Variants in PLA2G5 observed in about 807,000 individuals in gnomAD.
The protein encoded by PLA2G5 is Ca2+-dependent phospholipase A2.
A neutral mutation model predicts 15.9 loss-of-function variants in PLA2G5; 12 were observed. That is an observed-to-expected ratio of 0.76 (90% CI 0.48 to 1.23). The LOEUF (loss-of-function observed/expected upper bound fraction) is 1.23. Among genes scored for constraint, PLA2G5 ranks in the 50% most tolerant of loss-of-function variants. PLA2G5 has a pLI of 0.00. For missense variants in PLA2G5, 169 were observed against 177.1 expected (o/e 0.95, Z 0.26); for synonymous variants, 71 against 71.4 (o/e 0.99, Z 0.03).
chr1:20,084,985 G>C, intron 2 of PLA2G5, 115 bp downstream of exon 2: 1 of 784,812 alleles, frequency 1.3e-6, no homozygotes, highest in Non-Finnish European at 2.3e-6. Flanking sequence ...TCTCGGCTCT[G>C]CACTGACTGC....
chr1:20,071,017 T>A (rs11573198), intron 1 of PLA2G5: 38 of 152,184 alleles, frequency 2.5e-4, no homozygotes, highest in Non-Finnish European at 4.4e-4. Context: ...CTCGCTTCCC[T>A]CTCTGAAGAC....
chr1:20,029,202 G>C (rs1034510866), intron 1 of PLA2G5, among the ~76,000 whole-genome samples: 1 of 152,076 alleles, frequency 6.6e-6, no homozygotes, highest in African/African-American at 2.4e-5. Flanking sequence ...TTTTCCCCTG[G>C]TTCAGGCCGC....
In PLA2G5 at chr1:20,089,901, GC is replaced by G. The variant is rs2016484088; in HGVS notation, c.292+7del. On this transcript the variant is annotated splice_region_variant and intron_variant, in intron 4 of 4. Transcript: ENST00000375108. Reference sequence around the variant, plus strand: ...GTGGGGCGTGGTCACCTGCGGTAAGGCTGGGGCTTCCCGTTCGGGCCATTGG... The same window carrying G: ...GTGGGGCGTGGTCACCTGCGGTAAGGTGGGGCTTCCCGTTCGGGCCATTGG... The G allele has an allele frequency of 6.2e-7, 1 of 1,603,566 alleles. No homozygotes were observed. Among genetic ancestry groups the G allele is most frequent in the African/African-American group, 1.3e-5 (1 of 74,704 alleles).
At chr1:20,033,579 C>G (rs529071531) in intron 1 of PLA2G5, among the ~76,000 whole-genome samples, 6 of 152,090 alleles carry the variant, frequency 3.9e-5, no homozygotes, top group Non-Finnish European at 8.8e-5. Context: ...GTGGCCACAC[C>G]CAATATTTTT....
At chr1:20,055,424 G>C (rs1402401821) in intron 1 of PLA2G5, among the ~76,000 whole-genome samples, 1 of 152,182 alleles carries the variant, frequency 6.6e-6, no homozygotes, top group Non-Finnish European at 1.5e-5. Context: ...TGGGTTTCTG[G>C]AGTGGTTTCA....
chr1:20,048,255 G>A (rs573315865), intron 1 of PLA2G5, among the ~76,000 whole-genome samples: 1 of 152,046 alleles, frequency 6.6e-6, no homozygotes, highest in African/African-American at 2.4e-5. Flanking sequence ...AAATAAGATA[G>A]CCTTAAAATT....
chr1:20,057,267 G>C (rs2014480562), intron 1 of PLA2G5, among the ~76,000 whole-genome samples: 3 of 148,200 alleles, frequency 2.0e-5, no homozygotes, highest in Non-Finnish European at 4.5e-5. Context: ...GACTTAATTT[G>C]CTCTCCTTTT....
intron 1 of PLA2G5, among the ~76,000 whole-genome samples, chr1:20,036,816 C>T (rs901762912): frequency 6.6e-6 from 1 of 152,128 alleles, no homozygotes. Context: ...CAGGCCTGTG[C>T]CACCACACCT....
intron 1 of PLA2G5, among the ~76,000 whole-genome samples, chr1:20,072,211 C>T (rs1236842726): frequency 6.6e-6 from 1 of 152,178 alleles, no homozygotes; most frequent in Non-Finnish European, 1.5e-5. Flanking sequence ...TTATTTTTCT[C>T]CATTTCATCG....
chr1:20,076,707 G>C (rs753254343), intron 1 of PLA2G5: 1 of 152,210 alleles, frequency 6.6e-6, no homozygotes, highest in Non-Finnish European at 1.5e-5. Context: ...ATTAAAGACC[G>C]AGTTCTTCCC....
intron 1 of PLA2G5, among the ~76,000 whole-genome samples, chr1:20,052,173 C>CAAA (rs34853506): frequency 2.2e-4 from 23 of 102,382 alleles, no homozygotes; most frequent in Non-Finnish European, 3.2e-4. Flanking sequence ...GACTCCATCT[C>CAAA]AAAAAAAAAA....
At chr1:20,080,837 A>T (rs1359837942) in intron 1 of PLA2G5, among the ~76,000 whole-genome samples, 1 of 151,758 alleles carries the variant, frequency 6.6e-6, no homozygotes, top group Non-Finnish European at 1.5e-5. Flanking sequence ...GCTTTGCCTG[A>T]GGGAGGTGCA....
At chr1:20,046,454 A>G (rs1282513037) in intron 1 of PLA2G5, among the ~76,000 whole-genome samples, 1 of 152,202 alleles carries the variant, frequency 6.6e-6, no homozygotes, top group Admixed American at 6.5e-5. Context: ...CCTATCTTAA[A>G]AAAAGTTCTT....
intron 1 of PLA2G5, among the ~76,000 whole-genome samples, chr1:20,036,543 CA>C (rs1468201899): frequency 6.6e-6 from 1 of 152,056 alleles, no homozygotes; most frequent in Non-Finnish European, 1.5e-5. Flanking sequence ...TTGAAACTTT[CA>C]AGTGTATTTT....
intron 4 of PLA2G5, among the ~76,000 whole-genome samples, chr1:20,090,198 A>G (rs1480463310): frequency 6.6e-6 from 1 of 152,238 alleles, no homozygotes. Flanking sequence ...CTGCCAGTGC[A>G]CACAGCAGGA....
rs546861084 is a variant in PLA2G5 at position 20,054,623 on chromosome 1, G to C, written n.277-5009G>C. On this transcript the variant is annotated intron_variant and non_coding_transcript_variant, in intron 1 of 6. Coordinates refer to the PLA2G5 transcript ENST00000460175. ...GAGGTCTTTTCTGGTGGCTGTCTCAGTGGGGTCTAAGCCCCTCTTTCATTT... is the reference window on the plus strand; with the variant it reads ...GAGGTCTTTTCTGGTGGCTGTCTCACTGGGGTCTAAGCCCCTCTTTCATTT... Among the ~76,000 whole-genome samples, 20 of 152,024 alleles carry C rather than the reference G, an allele frequency of 1.3e-4. No individual in the cohort carries two copies. In the South Asian group the frequency reaches 3.9e-3, roughly 30 times the overall value.
chr1:20,062,011 T>C (rs1023620405), intron 2 of PLA2G5, among the ~76,000 whole-genome samples: 1 of 152,202 alleles, frequency 6.6e-6, no homozygotes, highest in African/African-American at 2.4e-5. Flanking sequence ...TGGTGATGAG[T>C]GACCTCTCAC....
intron 3 of PLA2G5, among the ~76,000 whole-genome samples, chr1:20,087,369 A>G (rs1371082212): frequency 1.3e-5 from 2 of 152,142 alleles, no homozygotes; most frequent in Non-Finnish European, 2.9e-5. Context: ...AAAATGGCAC[A>G]GTATTTTCAT....
chr1:20,041,289 G>A (rs1442323951), intron 1 of PLA2G5, among the ~76,000 whole-genome samples: 1 of 152,152 alleles, frequency 6.6e-6, no homozygotes, highest in Non-Finnish European at 1.5e-5. Flanking sequence ...AGTGTCACCT[G>A]TGTCTGTGTG....
Sources: allele counts gnomAD v4.1 joint callset (sites outside exome capture counted in the v4.1 genomes callset), GRCh38; gene constraint gnomAD v4.1.1; transcripts MANE v1.5; gene names NCBI Gene and HGNC (gene_info 2026-07-23, HGNC 2026-07-21).